The following LRPPRC variants were observed in gnomAD, a reference collection of about 807,000 sequenced individuals.
LRPPRC encodes leucine rich pentatricopeptide repeat containing, also known as leucine-rich PPR motif-containing protein, mitochondrial.
LRPPRC carries 120 observed loss-of-function variants against 180.3 expected under a neutral mutation model. The observed-to-expected ratio is 0.67, with a 90% CI of 0.57 to 0.77. The LOEUF (loss-of-function observed/expected upper bound fraction) is 0.77. Ranked by LOEUF, LRPPRC falls within the 30% of genes least tolerant of loss-of-function variation. The pLI, the probability that LRPPRC is intolerant of heterozygous loss-of-function variation, is 0.00. For synonymous variants in LRPPRC, 723 were observed against 600.0 expected, an observed-to-expected ratio of 1.21 and a Z score of -3.00; for missense variants, 2,012 against 1,657.2, an observed-to-expected ratio of 1.21 and a Z score of -3.72.
intron 26 of LRPPRC, 67 bp downstream of exon 26, chr2:43,925,826 G>A (rs1312756453): frequency 1.5e-5 from 15 of 1,006,180 alleles, no homozygotes; most frequent in Non-Finnish European, 2.2e-5. Context: ...ATCTTCATGT[G>A]ATACAGAGGA....
intron 22 of LRPPRC, among the ~76,000 whole-genome samples, chr2:43,944,932 A>G (rs1415379936): frequency 2.0e-5 from 3 of 152,122 alleles, no homozygotes; most frequent in Non-Finnish European, 1.5e-5. Flanking sequence ...TGCAAAATTC[A>G]GGCGCATATA....
At chr2:43,981,777 A>G (rs967557359) in intron 2 of LRPPRC, among the ~76,000 whole-genome samples, 2 of 152,232 alleles carry the variant, frequency 1.3e-5, no homozygotes, top group African/African-American at 4.8e-5. Flanking sequence ...AAAGAAAATT[A>G]AAGTATCAAA....
At chr2:43,936,739 T>C (rs1672292291) in intron 23 of LRPPRC, among the ~76,000 whole-genome samples, 2 of 152,232 alleles carry the variant, frequency 1.3e-5, no homozygotes, top group African/African-American at 4.8e-5. Context: ...ACAGTGCATC[T>C]TCTGGCACCC....
chr2:43,939,818 C>T (rs554036007), intron 23 of LRPPRC, among the ~76,000 whole-genome samples: 2 of 152,284 alleles, frequency 1.3e-5, no homozygotes, highest in East Asian at 1.9e-4. Flanking sequence ...AACATGCGTT[C>T]GGAACAGCAC....
chr2:43,909,861 T>C (rs573010499), intron 30 of LRPPRC, among the ~76,000 whole-genome samples: 5 of 152,176 alleles, frequency 3.3e-5, no homozygotes, highest in Admixed American at 1.3e-4. Context: ...GGTTGTAAAT[T>C]TAAGGCAAAT....
At chr2:43,924,714 T>C (rs1167989727) in intron 27 of LRPPRC, among the ~76,000 whole-genome samples, 1 of 152,218 alleles carries the variant, frequency 6.6e-6, no homozygotes, top group Non-Finnish European at 1.5e-5. Flanking sequence ...ATGAATGTGT[T>C]GGTGGTTACC....
At chr2:43,889,974 C>A in intron 36 of LRPPRC, 98 bp from the exon 37 acceptor site, 2 of 831,652 alleles carry the variant, frequency 2.4e-6, no homozygotes, top group South Asian at 2.9e-5. Context: ...ATCCCTTTAT[C>A]CCACGGCAAA....
At chr2:43,968,753 G>A (rs769250161) in intron 11 of LRPPRC, among the ~76,000 whole-genome samples, 3 of 152,176 alleles carry the variant, frequency 2.0e-5, no homozygotes, top group Non-Finnish European at 2.9e-5. Flanking sequence ...CAAAGGGCAC[G>A]AACTTTCTGT....
intron 6 of LRPPRC, among the ~76,000 whole-genome samples, chr2:43,975,586 T>C (rs1464421844): frequency 6.6e-6 from 1 of 151,528 alleles, no homozygotes; most frequent in Non-Finnish European, 1.5e-5. Flanking sequence ...AGTTTCTTTT[T>C]TCTTTTTTTT....
At position 43,946,230 on chromosome 2, in the gene LRPPRC, G is replaced by A. The variant is rs760108169; in HGVS notation, c.2093C>T (p.Ala698Val). The part of the protein sequence containing the change: ...VLCSEENMQK[A>V]LELKAKYESD... ...TTCATATTTTGCTTTCAATTCAAGG[G>A]CTTTTTGCATATTCTAAAATACAGC... Residue 698 changes from alanine to valine, a missense_variant, in exon 21 of 38, where the codon GCC becomes GTC. Transcript: ENST00000260665. The A allele has an allele frequency of 3.1e-6, 5 of 1,611,104 alleles. No individual in the cohort carries two copies. Among genetic ancestry groups the A allele is most frequent in the Non-Finnish European group, 4.2e-6 (5 of 1,177,666 alleles).
chr2:43,890,016 C>A, intron 36 of LRPPRC, 140 bp from the exon 37 acceptor site: 1 of 662,268 alleles, frequency 1.5e-6, no homozygotes, highest in South Asian at 1.8e-5. Flanking sequence ...TAAGAAGCCA[C>A]ATTCAGAATC....
intron 29 of LRPPRC, among the ~76,000 whole-genome samples, chr2:43,916,191 A>C (rs1282456148): frequency 1.3e-5 from 2 of 152,234 alleles, no homozygotes; most frequent in Non-Finnish European, 2.9e-5. Context: ...CCTTAATGGT[A>C]AACTATCATG....
intron 11 of LRPPRC, among the ~76,000 whole-genome samples, chr2:43,964,289 A>C (rs989661334): frequency 1.3e-5 from 2 of 152,166 alleles, no homozygotes; most frequent in African/African-American, 4.8e-5. Context: ...CACTCACAAA[A>C]ATCTCTTTTA....
chr2:43,894,374 A>G (rs1480843271), intron 36 of LRPPRC, among the ~76,000 whole-genome samples, 171 bp downstream of exon 36: 7 of 152,244 alleles, frequency 4.6e-5, no homozygotes, highest in African/African-American at 1.7e-4. Flanking sequence ...GTTTAAAAAC[A>G]TATTCCAGAA....
At chr2:43,957,521 A>G (rs1376489368) in intron 13 of LRPPRC, 70 bp from the exon 14 acceptor site, 13 of 1,111,904 alleles carry the variant, frequency 1.2e-5, no homozygotes, top group Non-Finnish European at 1.8e-5. Context: ...TATCAAATTG[A>G]AAACATATTT....
At chr2:43,995,692 G>A (rs1572598397) in intron 1 of LRPPRC, 107 bp downstream of exon 1, 3 of 1,096,406 alleles carry the variant, frequency 2.7e-6, no homozygotes, top group African/African-American at 3.3e-5. Context: ...GTCCTGGGGC[G>A]GGGAGAAGGG....
chr2:43,994,632 GCT>G (rs1415056596), intron 1 of LRPPRC, among the ~76,000 whole-genome samples: 3 of 152,066 alleles, frequency 2.0e-5, no homozygotes, highest in Non-Finnish European at 2.9e-5. Flanking sequence ...CAGATCCCTG[GCT>G]CTCAGTCCTT....
chr2:43,982,490 T>A, intron 1 of LRPPRC, 56 bp from the exon 2 acceptor site: 1 of 1,379,358 alleles, frequency 7.2e-7, no homozygotes, highest in Non-Finnish European at 1.0e-6. Flanking sequence ...AGGTCATTTT[T>A]TGAACAAAAC....
At chr2:43,971,484 G>GGAAAAAAA (rs1673801951) in intron 11 of LRPPRC, among the ~76,000 whole-genome samples, 1 of 4,778 alleles carries the variant, frequency 2.1e-4, no homozygotes, top group East Asian at 7.5e-4. Flanking sequence ...CTGTGTCACA[G>GGAAAAAAA]TAAAAAAAAA....
Sources: allele counts gnomAD v4.1 joint callset (sites outside exome capture counted in the v4.1 genomes callset), GRCh38; gene constraint gnomAD v4.1.1; transcripts MANE v1.5; gene names NCBI Gene and HGNC (gene_info 2026-07-23, HGNC 2026-07-21).